Variants in PTPRK observed in about 807,000 individuals in gnomAD.
PTPRK encodes receptor-type tyrosine-protein phosphatase kappa.
A neutral mutation model predicts 178.0 loss-of-function variants in PTPRK; 75 were observed. The ratio of observed to expected loss-of-function variants is 0.42; its 90% confidence interval spans 0.35 to 0.51. PTPRK has a LOEUF of 0.51. PTPRK is among the 20% of genes least tolerant of loss of function. The probability of loss-of-function intolerance (pLI) is 0.02; values close to 1 mark genes in which losing one functional copy is unlikely to be tolerated. For missense variants in PTPRK, 1,441 were observed against 1,797.8 expected (o/e 0.80, Z 3.59); for synonymous variants, 637 against 620.6 (o/e 1.03, Z -0.39).
At chr6:128,417,515 A>C (rs1842979366) in intron 1 of PTPRK, among the ~76,000 whole-genome samples, 1 of 152,206 alleles carries the variant, frequency 6.6e-6, no homozygotes, top group Non-Finnish European at 1.5e-5. Flanking sequence ...GGAGTCATTT[A>C]ATAATGTCAA....
chr6:128,100,823 G>A (rs1006831148), intron 7 of PTPRK, among the ~76,000 whole-genome samples: 1 of 151,914 alleles, frequency 6.6e-6, no homozygotes, highest in Non-Finnish European at 1.5e-5. Context: ...TTAGTCAAAT[G>A]TTCCAGTGTG....
chr6:128,144,905 A>G (rs1046565919), intron 7 of PTPRK, among the ~76,000 whole-genome samples: 3 of 152,282 alleles, frequency 2.0e-5, no homozygotes, highest in African/African-American at 2.4e-5. Context: ...TCACAATAAC[A>G]TATGTTCAAT....
chr6:128,233,032 A>G (rs1812564799), intron 5 of PTPRK, among the ~76,000 whole-genome samples: 1 of 152,266 alleles, frequency 6.6e-6, no homozygotes, highest in Non-Finnish European at 1.5e-5. Flanking sequence ...CTAAGCATGC[A>G]GTAATTTCTT....
intron 3 of PTPRK, among the ~76,000 whole-genome samples, chr6:128,253,655 T>A (rs1038673016): frequency 1.1e-4 from 17 of 152,220 alleles, no homozygotes; most frequent in African/African-American, 4.1e-4. Context: ...ATAGCAGAAG[T>A]AGATCACTTC....
chr6:128,105,185 G>C lies in PTPRK; in HGVS notation c.1163-15193C>G, dbSNP rs538388761. On this transcript the variant is annotated intron_variant, in intron 7 of 29. Transcript: ENST00000368226. ...GTCTTGCTCTGTCGCCCAGGCTGGA[G>C]TGCAGTGGCACGATCTCGGCTCACC... Among the ~76,000 whole-genome samples the C allele has an allele frequency of 1.5e-4, 22 of 150,384 alleles. No individual in the cohort carries two copies. The Middle Eastern group carries it at 0.014, about 94-fold the overall frequency.
intron 15 of PTPRK, chr6:128,003,363 G>T: frequency 1.1e-6 from 1 of 898,282 alleles, no homozygotes; most frequent in Non-Finnish European, 1.7e-6. Context: ...ACTGTATTCT[G>T]CAAATGTAAA....
chr6:128,166,189 G>A (rs1799372501), intron 7 of PTPRK, among the ~76,000 whole-genome samples: 1 of 151,538 alleles, frequency 6.6e-6, no homozygotes. Flanking sequence ...TATGCATTAC[G>A]GACATTCCCC....
At chr6:128,310,836 A>C (rs970457677) in intron 3 of PTPRK, among the ~76,000 whole-genome samples, 4 of 152,278 alleles carry the variant, frequency 2.6e-5, no homozygotes, top group Admixed American at 6.5e-5. Flanking sequence ...TGGCACAATG[A>C]ATCTTACTTG....
At position 127,991,065 on chromosome 6, in the gene PTPRK, C is replaced by A. The variant is rs74939211; in HGVS notation, c.2980-180G>T. On this transcript the variant is annotated intron_variant, in intron 20 of 29. Transcript: ENST00000368226. Reference sequence around the variant, plus strand: ...TATAGTCTCACAAAAAATATACAAGCCTGATAATGCAGTTAGATTCCAGTA... The same window carrying A: ...TATAGTCTCACAAAAAATATACAAGACTGATAATGCAGTTAGATTCCAGTA... Among the ~76,000 whole-genome samples the A allele has an allele frequency of 3.3e-3, 498 of 151,956 alleles. 7 individuals carry two copies. The highest frequency in any genetic ancestry group is 0.011 in the African/African-American group (446 of 41,474).
intron 2 of PTPRK, among the ~76,000 whole-genome samples, chr6:128,372,153 G>A (rs1211216479): frequency 4.0e-5 from 6 of 151,562 alleles, no homozygotes; most frequent in East Asian, 3.9e-4. Context: ...CCAACTTCTC[G>A]TTCTGTTTCC....
chr6:128,436,456 G>T (rs1845611756), intron 1 of PTPRK, among the ~76,000 whole-genome samples: 1 of 152,138 alleles, frequency 6.6e-6, no homozygotes, highest in Admixed American at 6.5e-5. Flanking sequence ...TTGGTGTAAA[G>T]CTGCTTTCTC....
intron 1 of PTPRK, among the ~76,000 whole-genome samples, chr6:128,471,130 T>C (rs1381588773): frequency 2.6e-5 from 4 of 152,046 alleles, no homozygotes; most frequent in Non-Finnish European, 4.4e-5. Flanking sequence ...TTTAAATGAA[T>C]TTAATATTCC....
At chr6:128,132,144 A>C (rs111320400) in intron 7 of PTPRK, among the ~76,000 whole-genome samples, 3,875 of 152,302 alleles carry the variant, frequency 0.025, 74 homozygotes, top group Middle Eastern at 0.095. Flanking sequence ...ACAAAAGGTC[A>C]AATAGTTACA....
intron 1 of PTPRK, chr6:128,500,660 G>T (rs62425735): frequency 6.6e-6 from 1 of 152,160 alleles, no homozygotes; most frequent in South Asian, 2.1e-4. Flanking sequence ...GGAAACAATC[G>T]ACTTAGTGCT....
chr6:128,020,305 G>A (rs374451325), intron 13 of PTPRK, among the ~76,000 whole-genome samples: 11 of 152,156 alleles, frequency 7.2e-5, no homozygotes, highest in South Asian at 6.2e-4. Context: ...CAAACAGTGC[G>A]GAATTATATA....
chr6:128,240,020 C>T lies in PTPRK; in HGVS notation c.693+15G>A, dbSNP rs766584044. 2 of 1,588,714 alleles carry T rather than the reference C, an allele frequency of 1.3e-6. No individual in the cohort carries two copies. Among genetic ancestry groups the T allele is most frequent in the Non-Finnish European group, 1.7e-6 (2 of 1,158,200 alleles). ...TAAAGTATACTCTTTAGCTCAGCTG[C>T]CAACTTGGCCTTACCTGGAGCCATA... On this transcript the variant is annotated intron_variant, in intron 5 of 29. Coordinates refer to ENST00000368226, the MANE Select transcript of PTPRK (RefSeq NM_002844.4).
chr6:128,461,520 A>T (rs75731282), intron 1 of PTPRK, among the ~76,000 whole-genome samples: 2,500 of 152,290 alleles, frequency 0.016, 29 homozygotes, highest in Non-Finnish European at 0.027. Context: ...ACCTGGCCAC[A>T]ATTGACGTTA....
intron 1 of PTPRK, among the ~76,000 whole-genome samples, chr6:128,418,687 C>A (rs1041606177): frequency 6.6e-6 from 1 of 152,078 alleles, no homozygotes; most frequent in Non-Finnish European, 1.5e-5. Context: ...CTACCATAAG[C>A]ATATGTCCAC....
At chr6:128,052,050 C>T (rs1779103369) in intron 13 of PTPRK, among the ~76,000 whole-genome samples, 1 of 152,108 alleles carries the variant, frequency 6.6e-6, no homozygotes, top group Admixed American at 6.5e-5. Context: ...TCATATCCTC[C>T]ATATCCTTAT....
Sources: gnomAD v4.1 joint callset for allele counts (sites outside exome capture counted in the v4.1 genomes callset) on GRCh38, gnomAD v4.1.1 for gene constraint, MANE v1.5 for transcripts, NCBI Gene and HGNC (gene_info 2026-07-23, HGNC 2026-07-21) for gene names.